The following CAST variants were observed in gnomAD, a reference collection of about 807,000 sequenced individuals.
CAST encodes MIR583 host.
Under a neutral mutation model 119.6 loss-of-function variants are expected in CAST, and 76 were observed. The ratio of observed to expected loss-of-function variants is 0.64; its 90% CI spans 0.53 to 0.77. The LOEUF is 0.77. CAST is among the 30% of genes least tolerant of loss of function. The pLI is 0.00. For synonymous variants in CAST, 319 were observed against 331.6 expected (o/e 0.96, Z 0.41); for missense variants, 953 against 946.5 (o/e 1.01, Z -0.09).
chr5:96,354,308 A>C, the CAST span, among the ~76,000 whole-genome samples: 2 of 152,350 alleles, frequency 1.3e-5, no homozygotes, highest in South Asian at 2.1e-4. Flanking sequence ...TAAAGTACAC[A>C]TATACATAAA....
chr5:96,443,775 G>A, the CAST span, among the ~76,000 whole-genome samples: 59 of 152,260 alleles, frequency 3.9e-4, no homozygotes, highest in East Asian at 5.2e-3. Flanking sequence ...AATTGCCTAC[G>A]CTCTATATCC....
At chr5:96,148,004 C>T in the CAST span, among the ~76,000 whole-genome samples, 2 of 152,326 alleles carry the variant, frequency 1.3e-5, no homozygotes, top group South Asian at 2.1e-4. Flanking sequence ...ATTTCATCAT[C>T]GGACTTATTG....
At chr5:96,141,821 G>A in the CAST span, among the ~76,000 whole-genome samples, 2 of 152,202 alleles carry the variant, frequency 1.3e-5, no homozygotes, top group Non-Finnish European at 2.9e-5. Flanking sequence ...ATGGGCACAT[G>A]GTGTCAGCCA....
upstream of CAST, among the ~76,000 whole-genome samples, chr5:96,657,189 A>C (rs996133497): frequency 6.6e-6 from 1 of 152,218 alleles, no homozygotes; most frequent in Non-Finnish European, 1.5e-5. Context: ...GCTTTGCAGG[A>C]TGGCTTTATT....
At chr5:96,057,764 C>T in the CAST span, among the ~76,000 whole-genome samples, 1 of 152,122 alleles carries the variant, frequency 6.6e-6, no homozygotes, top group African/African-American at 2.4e-5. Flanking sequence ...AAAGAACTAA[C>T]CCTTCTGGAT....
chr5:96,577,351 C>A, intron 1 of CAST, among the ~76,000 whole-genome samples: 1 of 151,554 alleles, frequency 6.6e-6, no homozygotes, highest in East Asian at 1.9e-4. Context: ...CATTGATTTT[C>A]TTTGTCATTT....
chr5:96,651,058 A>C (rs976411234), intron 1 of CAST, among the ~76,000 whole-genome samples: 1 of 151,444 alleles, frequency 6.6e-6, no homozygotes, highest in Admixed American at 6.6e-5. Flanking sequence ...AACATTCTGG[A>C]GAAAAAAAAT....
chr5:96,035,190 ATAAG>A, the CAST span, among the ~76,000 whole-genome samples: 1 of 123,648 alleles, frequency 8.1e-6, no homozygotes, highest in Admixed American at 8.8e-5. Context: ...TATATATAAA[ATAAG>A]TATATATAAA....
the CAST span, among the ~76,000 whole-genome samples, chr5:96,129,761 T>C: frequency 6.6e-6 from 1 of 152,060 alleles, no homozygotes; most frequent in African/African-American, 2.4e-5. Context: ...AGGACTCTAA[T>C]AAAAACATGA....
At chr5:96,257,320 T>C in the CAST span, among the ~76,000 whole-genome samples, 4 of 152,198 alleles carry the variant, frequency 2.6e-5, no homozygotes, top group East Asian at 7.7e-4. Context: ...GGGATCTCTG[T>C]AACTCTATTG....
the CAST span, among the ~76,000 whole-genome samples, chr5:96,195,122 A>G: frequency 1.3e-5 from 2 of 152,254 alleles, no homozygotes; most frequent in Non-Finnish European, 2.9e-5. Context: ...AGTTGCTGGC[A>G]GACCCATTTC....
At chr5:96,172,548 G>C in the CAST span, among the ~76,000 whole-genome samples, 22 of 152,314 alleles carry the variant, frequency 1.4e-4, no homozygotes, top group East Asian at 1.5e-3. Flanking sequence ...ATAACTTTCC[G>C]CAAAAGAAGG....
intron 1 of CAST, among the ~76,000 whole-genome samples, chr5:96,626,887 C>T (rs10515241): frequency 0.24 from 35,813 of 152,140 alleles, 5,174 homozygotes; most frequent in East Asian, 0.45. Flanking sequence ...CAGAGTTTGA[C>T]GGCAGGTTTA....
At chr5:96,342,814 G>T in the CAST span, among the ~76,000 whole-genome samples, 2 of 152,126 alleles carry the variant, frequency 1.3e-5, no homozygotes, top group Non-Finnish European at 2.9e-5. Context: ...TGCCACAAAC[G>T]CCCTGAGCCT....
At chr5:96,234,376 A>G in the CAST span, among the ~76,000 whole-genome samples, 6 of 152,318 alleles carry the variant, frequency 3.9e-5, no homozygotes, top group East Asian at 1.2e-3. Flanking sequence ...TTTTTGAGGA[A>G]TGGCATTGTA....
At chr5:96,639,043 A>G (rs747314001) in intron 1 of CAST, among the ~76,000 whole-genome samples, 2 of 152,216 alleles carry the variant, frequency 1.3e-5, no homozygotes, top group Non-Finnish European at 2.9e-5. Flanking sequence ...TATTCAGCCC[A>G]TGTGTTGGCA....
chr5:96,662,498 G>T lies in CAST; in HGVS notation c.75+1G>T. ...AGCCGCCGCCCGCCGCACCCATGAG[G>T]TGAGTGGCGCTCCTGTCGGCGTCGC... On this transcript the variant is annotated splice_donor_variant, in intron 1 of 31. Coordinates refer to ENST00000675179, the MANE Select transcript of CAST (RefSeq NM_001750.7). LOFTEE classifies it high-confidence loss of function. The T allele has an allele frequency of 1.4e-6, 2 of 1,406,194 alleles. No individual in the cohort carries two copies. Among genetic ancestry groups the T allele is most frequent in the South Asian group, 1.5e-5 (1 of 65,904 alleles). The allele number at this position is 1,406,194 out of a possible 1,614,324, so 87.1% of individuals were successfully genotyped here. A position where few individuals can be genotyped will look rare whatever the true frequency, so the allele number is the denominator to read the frequency against.
At chr5:96,152,695 C>G in the CAST span, among the ~76,000 whole-genome samples, 1 of 152,218 alleles carries the variant, frequency 6.6e-6, no homozygotes, top group Non-Finnish European at 1.5e-5. Context: ...TTCATTATAT[C>G]TATTTGCTTT....
At chr5:96,431,949 G>A in the CAST span, 2 of 708,528 alleles carry the variant, frequency 2.8e-6, no homozygotes, top group South Asian at 1.5e-5. Flanking sequence ...GGGTCCCCTC[G>A]GAATCGCTCA....
Sources: allele counts gnomAD v4.1 joint callset (sites outside exome capture counted in the v4.1 genomes callset), GRCh38; gene constraint gnomAD v4.1.1; transcripts MANE v1.5; gene names NCBI Gene and HGNC (gene_info 2026-07-23, HGNC 2026-07-21).